The following STK32A variants were observed in gnomAD, a reference collection of about 807,000 sequenced individuals.
STK32A encodes the protein serine/threonine kinase 32A.
A neutral mutation model predicts 53.2 loss-of-function variants in STK32A; 41 were observed. The ratio of observed to expected loss-of-function variants is 0.77; its 90% CI spans 0.60 to 1.00. The LOEUF is 1.00. Ranked by LOEUF, STK32A falls within the 50% of genes least tolerant of loss-of-function variation. The probability of loss-of-function intolerance (pLI) is 0.00; values close to 1 mark genes in which losing one functional copy is unlikely to be tolerated. For missense variants in STK32A, 458 were observed against 485.8 expected (o/e 0.94, Z 0.54); for synonymous variants, 166 against 162.8 (o/e 1.02, Z -0.15).
At chr5:147,275,566 C>T (rs1306077759) in intron 2 of STK32A, among the ~76,000 whole-genome samples, 1 of 152,158 alleles carries the variant, frequency 6.6e-6, no homozygotes, top group South Asian at 2.1e-4. Context: ...TCAAGCAATG[C>T]TCCTGCCTCG....
intron 2 of STK32A, among the ~76,000 whole-genome samples, chr5:147,261,565 T>A (rs4705145): frequency 0.3 from 45,005 of 151,744 alleles, 7,019 homozygotes; most frequent in African/African-American, 0.36. Context: ...GAGTAGGTAA[T>A]CAAAAAAGGT....
chr5:147,271,570 TG>T lies in STK32A; in HGVS notation c.53-6551del, dbSNP rs549698123. ...ATATTTCTCTTCTTTCAAAAGCAAA[TG>T]GGAGAAATATCGCTGAATTCTTTTT... On this transcript the variant is annotated intron_variant, in intron 2 of 12. Transcript: ENST00000397936. 4.7e-3 allele frequency among the ~76,000 whole-genome samples: 717 copies of T among 152,234 alleles called. 4 individuals carry two copies. Among genetic ancestry groups the T allele is most frequent in the African/African-American group, 0.017 (695 of 41,540 alleles).
Position 147,375,173 on chromosome 5 carries a change from T to A in STK32A, c.987T>A (p.Arg329=). Residue 329 remains arginine (R), a synonymous_variant, in exon 11 of 13, where the codon CGT becomes CGA. Transcript: ENST00000397936. The stretch of plus-strand genomic sequence containing the variant: ...AACCTCTACATAAGAAAAAAAAGCG[T>A]CTGGCAAAGAAGGAGAAGGATATGA... ...ESKPLHKKKK[R]LAKKEKDMRK... 1 of 1,610,612 alleles carries A rather than the reference T, an allele frequency of 6.2e-7. No homozygotes were observed. The highest frequency in any genetic ancestry group is 8.5e-7 in the Non-Finnish European group (1 of 1,178,506).
the STK32A span, chr5:147,393,958 T>C: frequency 6.9e-7 from 1 of 1,446,124 alleles, no homozygotes; most frequent in Non-Finnish European, 9.7e-7. Context: ...TCGCTTTCCT[T>C]CTTAAATATC....
the STK32A span, among the ~76,000 whole-genome samples, chr5:147,398,527 A>G: frequency 6.6e-6 from 1 of 152,220 alleles, no homozygotes; most frequent in Non-Finnish European, 1.5e-5. Context: ...GTGCTTAAAA[A>G]TATTAACTAT....
chr5:147,304,219 G>A (rs1356671993), intron 4 of STK32A, among the ~76,000 whole-genome samples: 1 of 152,170 alleles, frequency 6.6e-6, no homozygotes, highest in African/African-American at 2.4e-5. Flanking sequence ...AAAGTCCTGG[G>A]AGAGAATCCA....
rs543912258 is a variant in STK32A, at chr5:147,351,174, CT to C, written c.562+30del. 2,038 of 1,450,086 alleles carry C rather than the reference CT, an allele frequency of 1.4e-3. No homozygotes were observed. Among genetic ancestry groups the C allele is most frequent in the Admixed American group, 2.5e-3 (133 of 53,374 alleles). The allele number at this position is 1,450,086 out of a possible 1,614,324, so 89.8% of individuals were successfully genotyped here. ...ACATGGGTATGGGTTTCATGAGTGTCTTTTTTTTTTCTTTCCTGTAAATACC... is the reference window on the plus strand; with the variant it reads ...ACATGGGTATGGGTTTCATGAGTGTCTTTTTTTTTCTTTCCTGTAAATACC... On this transcript the variant is annotated intron_variant, in intron 7 of 12. Transcript: ENST00000397936.
chr5:147,257,558 G>T (rs983918006), intron 2 of STK32A, among the ~76,000 whole-genome samples: 6 of 152,182 alleles, frequency 3.9e-5, no homozygotes, highest in Non-Finnish European at 8.8e-5. Context: ...CTTAGCTTTA[G>T]TTTGGCAGGG....
intron 4 of STK32A, among the ~76,000 whole-genome samples, chr5:147,286,323 T>C (rs2151958581): frequency 6.6e-6 from 1 of 152,142 alleles, no homozygotes; most frequent in Non-Finnish European, 1.5e-5. Flanking sequence ...TGTGGTGTAG[T>C]GTATACTGCT....
At chr5:147,295,109 C>T (rs1752807233) in intron 4 of STK32A, among the ~76,000 whole-genome samples, 1 of 152,164 alleles carries the variant, frequency 6.6e-6, no homozygotes, top group African/African-American at 2.4e-5. Flanking sequence ...AAAACCATTT[C>T]ATAATTTTTA....
chr5:147,260,065 CT>C (rs1754446563), intron 2 of STK32A, among the ~76,000 whole-genome samples: 2 of 139,240 alleles, frequency 1.4e-5, no homozygotes, highest in African/African-American at 2.8e-5. Flanking sequence ...TCTCTCTCCC[CT>C]CTCTCCTGTC....
At chr5:147,343,174 T>C in intron 6 of STK32A, 131 bp downstream of exon 6, 1 of 946,280 alleles carries the variant, frequency 1.1e-6, no homozygotes, top group Non-Finnish European at 1.7e-6. Context: ...TACAAACTCC[T>C]CATAGACAAT....
chr5:147,268,309 T>C (rs747698972), intron 2 of STK32A, among the ~76,000 whole-genome samples: 4 of 152,180 alleles, frequency 2.6e-5, no homozygotes, highest in Admixed American at 6.5e-5. Flanking sequence ...CCTTGCAACA[T>C]TCTTCTGAGG....
chr5:147,348,300 T>C (rs1366392273), intron 6 of STK32A, among the ~76,000 whole-genome samples: 1 of 152,254 alleles, frequency 6.6e-6, no homozygotes, highest in African/African-American at 2.4e-5. Context: ...TGACGTGTAA[T>C]GAGTACTCAC....
At chr5:147,281,460 G>T (rs938964926) in intron 4 of STK32A, among the ~76,000 whole-genome samples, 3 of 152,108 alleles carry the variant, frequency 2.0e-5, no homozygotes, top group African/African-American at 4.8e-5. Flanking sequence ...ATTGCAAAAT[G>T]CTCTAGAAAG....
downstream of STK32A, among the ~76,000 whole-genome samples, chr5:147,389,906 A>G (rs553249613): frequency 3.3e-5 from 5 of 152,170 alleles, no homozygotes; most frequent in Non-Finnish European, 5.9e-5. Flanking sequence ...CCTAAGAAGG[A>G]AGCACTTACT....
intron 4 of STK32A, among the ~76,000 whole-genome samples, chr5:147,285,234 A>G (rs1303129540): frequency 6.6e-6 from 1 of 152,220 alleles, no homozygotes; most frequent in Non-Finnish European, 1.5e-5. Flanking sequence ...TGGTGCTGGG[A>G]TAATTGAATA....
Position 147,383,955 on chromosome 5 carries a change from G to C in STK32A, c.1163G>C (p.Gly388Ala), listed in dbSNP as rs749127112. 9 of 1,608,404 alleles carry C rather than the reference G, an allele frequency of 5.6e-6. No homozygotes were observed. Among genetic ancestry groups the C allele is most frequent in the Non-Finnish European group, 7.6e-6 (9 of 1,178,154 alleles). Residue 388 changes from glycine to alanine, a missense_variant, in exon 13 of 13, where the codon GGT (glycine) becomes GCT (alanine). Gly to Ala is a moderately conservative substitution (Grantham distance 60). Transcript: ENST00000397936. The part of the protein sequence containing the change: ...LALEQTKDPQ[G>A]EDGQNNNL ...TTGGAACAAACCAAAGACCCACAAG[G>C]TGAGGATGGTCAGAATAACAACTTG...
intron 2 of STK32A, among the ~76,000 whole-genome samples, chr5:147,276,651 C>T (rs1337599269): frequency 6.6e-6 from 1 of 152,144 alleles, no homozygotes; most frequent in South Asian, 2.1e-4. Context: ...GGCAGGGGAA[C>T]CAGGGTGAGC....
Sources: allele counts gnomAD v4.1 joint callset (sites outside exome capture counted in the v4.1 genomes callset), GRCh38; gene constraint gnomAD v4.1.1; transcripts MANE v1.5; gene names NCBI Gene and HGNC (gene_info 2026-07-23, HGNC 2026-07-21).